KIF26A: variants seen among roughly 807,000 people sequenced by gnomAD.
The protein encoded by KIF26A is kinesin-like protein KIF26A.
In KIF26A, 74 loss-of-function variants were observed where a neutral mutation model predicts 126.0. That is an observed-to-expected ratio of 0.59 (90% confidence interval 0.49 to 0.71). KIF26A has a LOEUF of 0.71. Ranked by LOEUF, KIF26A falls within the 30% of genes least tolerant of loss-of-function variation. The pLI is 0.00. For missense variants in KIF26A, 2,984 were observed against 2,763.3 expected, an observed-to-expected ratio of 1.08 and a Z score of -1.79; for synonymous variants, 1,445 against 1,232.7, an observed-to-expected ratio of 1.17 and a Z score of -3.61.
In KIF26A at chr14:104,175,563, G is replaced by A; in HGVS notation, c.2775G>A (p.Glu925=). The A allele has an allele frequency of 1.2e-6, 2 of 1,606,042 alleles. No homozygotes were observed. Among genetic ancestry groups the A allele is most frequent in the Non-Finnish European group, 8.5e-7 (1 of 1,179,290 alleles). ...CCATTGTCTGGGGTGACCAGAGAGA[G>A]GACAGCAGCGCTTGGCCTGAGCTGC... ...CKAIVWGDQR[E]DSSAWPELLV... Residue 925 remains glutamate (E), a synonymous_variant, in exon 12 of 15, where the codon GAG becomes GAA. Coordinates refer to ENST00000423312, the MANE Select transcript of KIF26A (RefSeq NM_015656.2).
intron 4 of KIF26A, among the ~76,000 whole-genome samples, chr14:104,165,655 G>GTA (rs1393707482): frequency 6.7e-6 from 1 of 148,770 alleles, no homozygotes; most frequent in Non-Finnish European, 1.5e-5. Flanking sequence ...GTATGCATGT[G>GTA]TGTGTATCTG....
rs780056490 is a variant in KIF26A at position 104,177,583 on chromosome 14, G to A, written c.4795G>A (p.Gly1599Arg). 24 of 1,533,574 alleles carry A rather than the reference G, an allele frequency of 1.6e-5. No homozygotes were observed. Among genetic ancestry groups the A allele is most frequent in the South Asian group, 1.1e-4 (9 of 83,654 alleles). The allele number at this position is 1,533,574 out of a possible 1,614,324, so 95.0% of individuals were successfully genotyped here. A position where few individuals can be genotyped will look rare whatever the true frequency, so the allele number is the denominator to read the frequency against. ...DSGHDSGVNVGEERPPTGPAL... is the reference protein window; with the variant it reads ...DSGHDSGVNVREERPPTGPAL... ...CGGCCATGACAGCGGCGTGAACGTG[G>A]GGGAGGAGCGGCCACCCACGGGCCC... The change falls in exon 12 of 15, where the codon GGG becomes AGG. Residue 1599 changes from glycine (G) to arginine (R), a missense_variant. Gly to Arg is a moderately radical substitution (Grantham distance 125, BLOSUM62 -2). Transcript: ENST00000423312.
In KIF26A at chr14:104,175,840, G is replaced by A. The variant is rs1469557393; in HGVS notation, c.3052G>A (p.Val1018Met). ...CPERGLLTTT[V>M]TLQRPVELNG... The stretch of plus-strand genomic sequence containing the variant: ...GGAGCGGGGCCTGCTCACCACCACA[G>A]TGACCCTGCAGCGGCCAGTGGAGCT... Residue 1018 changes from valine to methionine, a missense_variant, in exon 12 of 15, where the codon GTG becomes ATG. By Grantham distance (21) the Val-to-Met change is conservative. Coordinates refer to ENST00000423312, the MANE Select transcript of KIF26A (RefSeq NM_015656.2). 6.5e-7 allele frequency: 1 copy of A among 1,539,076 alleles called. No individual in the cohort carries two copies.
rs749960616 is a variant in KIF26A at position 104,152,050 on chromosome 14, A to G, written c.324A>G (p.Leu108=). The change falls in exon 3 of 15, where the codon CTA becomes CTG. Residue 108 remains leucine (L), a synonymous_variant. Coordinates refer to ENST00000423312, the MANE Select transcript of KIF26A (RefSeq NM_015656.2). This position sits in a 1 kb window ranked among gnomAD's most constrained non-coding sequence, Gnocchi z 5.9. The part of the protein sequence containing the change: ...PCLSALLLDK[L]PAPGALPACR... ...TCTCTGCCCTGCTTCTCGACAAGCT[A>G]CCAGCACCTGGGGCCCTGCCAGCCT... is the stretch of plus-strand genomic sequence containing the variant. 1.9e-6 allele frequency: 3 copies of G among 1,612,464 alleles called. No individual in the cohort carries two copies. Among genetic ancestry groups the G allele is most frequent in the Non-Finnish European group, 8.5e-7 (1 of 1,179,740 alleles).
chr14:104,170,509 T>TA (rs2037946804), intron 5 of KIF26A, among the ~76,000 whole-genome samples: 2 of 152,236 alleles, frequency 1.3e-5, no homozygotes, highest in African/African-American at 4.8e-5. Context: ...ATCTGTCACT[T>TA]ACAATTAAAT....
At chr14:104,150,708 A>G (rs1045125699) in intron 2 of KIF26A, among the ~76,000 whole-genome samples, 1 of 152,160 alleles carries the variant, frequency 6.6e-6, no homozygotes, top group Non-Finnish European at 1.5e-5. Flanking sequence ...GGGTGGCTGC[A>G]TTGGAGTCCG....
chr14:104,153,522 C>T (rs1317034611), intron 3 of KIF26A, among the ~76,000 whole-genome samples: 7 of 133,430 alleles, frequency 5.2e-5, no homozygotes, highest in African/African-American at 1.6e-4. Flanking sequence ...AGCCGAACCC[C>T]ACCCTTGCCA....
At position 104,151,123 on chromosome 14, in the gene KIF26A, G is replaced by A. The variant is rs2037725448; in HGVS notation, c.289-892G>A. On this transcript the variant is annotated intron_variant, in intron 2 of 14. Coordinates refer to ENST00000423312, the MANE Select transcript of KIF26A (RefSeq NM_015656.2). The surrounding 1 kb of genome is among the most constrained non-coding windows in gnomAD (Gnocchi z 4.9). The stretch of plus-strand genomic sequence containing the variant: ...CTCTTGGTCGATTCCCTCCCAGTGA[G>A]CTTTGCTCTGTGGCTTGTCTCCTTC... 6.6e-6 allele frequency among the ~76,000 whole-genome samples: 1 copy of A among 152,198 alleles called. No homozygotes were observed. The highest frequency in any genetic ancestry group is 2.4e-5 in the African/African-American group (1 of 41,456).
intron 4 of KIF26A, among the ~76,000 whole-genome samples, chr14:104,163,709 C>T (rs1357984040): frequency 2.0e-5 from 3 of 151,312 alleles, no homozygotes; most frequent in Non-Finnish European, 2.9e-5. Flanking sequence ...ATGCGCGGCA[C>T]GGGGCGGCCA....
chr14:104,169,410 T>C (rs553850907), intron 5 of KIF26A, among the ~76,000 whole-genome samples: 1 of 152,300 alleles, frequency 6.6e-6, no homozygotes, highest in South Asian at 2.1e-4. Flanking sequence ...CCCCACTTCC[T>C]CCTGGGGGCA....
chr14:104,153,877 G>A (rs367938969), intron 3 of KIF26A, among the ~76,000 whole-genome samples: 7 of 151,778 alleles, frequency 4.6e-5, no homozygotes, highest in African/African-American at 9.7e-5. Flanking sequence ...GGAGAAGATC[G>A]CAGGCCCCTT....
intron 11 of KIF26A, 116 bp from the exon 12 acceptor site, chr14:104,174,866 C>A: frequency 6.3e-6 from 7 of 1,116,792 alleles, no homozygotes; most frequent in Non-Finnish European, 7.4e-6. Flanking sequence ...TTGGTGGTGC[C>A]TGCTGTAGTT....
intron 5 of KIF26A, among the ~76,000 whole-genome samples, chr14:104,168,591 T>G (rs1566862256): frequency 6.6e-6 from 1 of 152,148 alleles, no homozygotes; most frequent in Non-Finnish European, 1.5e-5. Flanking sequence ...GAGTGTGTGG[T>G]GAGACCACCA....
intron 13 of KIF26A, among the ~76,000 whole-genome samples, 192 bp downstream of exon 13, chr14:104,178,947 C>T (rs2038068674): frequency 6.6e-6 from 1 of 152,130 alleles, no homozygotes; most frequent in South Asian, 2.1e-4. Context: ...CCTGTTGCAG[C>T]TCCGACACTC....
intron 4 of KIF26A, among the ~76,000 whole-genome samples, chr14:104,161,314 A>C (rs1248012009): frequency 5.1e-5 from 1 of 19,588 alleles, no homozygotes; most frequent in Non-Finnish European, 1.0e-4. Context: ...AGGTGGGGGT[A>C]GGGAGGGTGG....
At position 104,178,646 on chromosome 14, in the gene KIF26A, C is replaced by A; in HGVS notation, c.5207C>A (p.Pro1736Gln). Reference sequence around the variant, plus strand: ...CCCGGGCAGTGGGTGGACCTGCCCCCGCCCCTGGCTGGCTCCCTGAAGGAG... The same window carrying A: ...CCCGGGCAGTGGGTGGACCTGCCCCAGCCCCTGGCTGGCTCCCTGAAGGAG... The part of the protein sequence containing the change: ...SLPGQWVDLP[P>Q]PLAGSLKEPF... Residue 1736 changes from proline to glutamine, a missense_variant, in exon 13 of 15, where the codon CCG becomes CAG. Pro to Gln is a moderately conservative substitution (Grantham distance 76, BLOSUM62 -1). Coordinates refer to ENST00000423312, the MANE Select transcript of KIF26A (RefSeq NM_015656.2). 6.4e-7 allele frequency: 1 copy of A among 1,552,546 alleles called. No individual in the cohort carries two copies. The highest frequency in any genetic ancestry group is 8.7e-7 in the Non-Finnish European group (1 of 1,148,360).
chr14:104,151,614 G>A lies in KIF26A; in HGVS notation c.289-401G>A, dbSNP rs1193597377. On this transcript the variant is annotated intron_variant, in intron 2 of 14. Coordinates refer to ENST00000423312, the MANE Select transcript of KIF26A (RefSeq NM_015656.2). This position sits in a 1 kb window ranked among gnomAD's most constrained non-coding sequence, Gnocchi z 4.9. ...CTGGCTCTGCCTTGAGTGAGTGTGG[G>A]TGAGGGAGGCCCTCGTGGCTCTGAA... 6.6e-6 allele frequency among the ~76,000 whole-genome samples: 1 copy of A among 152,232 alleles called. No individual in the cohort carries two copies. The highest frequency in any genetic ancestry group is 6.5e-5 in the Admixed American group (1 of 15,292).
intron 2 of KIF26A, among the ~76,000 whole-genome samples, chr14:104,139,765 G>A (rs533324798): frequency 6.6e-6 from 1 of 152,214 alleles, no homozygotes; most frequent in Non-Finnish European, 1.5e-5. Flanking sequence ...ACAGCAGCTG[G>A]GGGGTCCCTG....
At chr14:104,161,429 T>C (rs1242689815) in intron 4 of KIF26A, among the ~76,000 whole-genome samples, 7 of 152,320 alleles carry the variant, frequency 4.6e-5, no homozygotes, top group Non-Finnish European at 7.4e-5. Context: ...TTGGGGTAAT[T>C]AAGGGCCTCA....
Sources: gnomAD v4.1 joint callset for allele counts (sites outside exome capture counted in the v4.1 genomes callset) on GRCh38, gnomAD v4.1.1 for gene constraint, Gnocchi (gnomAD v3.1) non-coding constraint, MANE v1.5 for transcripts, NCBI Gene and HGNC (gene_info 2026-07-23, HGNC 2026-07-21) for gene names.